Variants in CFAP92 observed in about 807,000 individuals in gnomAD.
CFAP92 encodes cilia and flagella associated protein 92 (putative).
In CFAP92, 86 loss-of-function variants were observed where a neutral mutation model predicts 106.3. The observed-to-expected ratio is 0.81, with a 90% CI of 0.68 to 0.97. The LOEUF (loss-of-function observed/expected upper bound fraction) is 0.97. Among genes scored for constraint, CFAP92 ranks in the 50% least tolerant of loss-of-function variants. The pLI, the probability that CFAP92 is intolerant of heterozygous loss-of-function variation, is 0.00. For missense variants in CFAP92, 1,204 were observed against 1,283.8 expected (o/e 0.94, Z 0.95); for synonymous variants, 477 against 506.4 (o/e 0.94, Z 0.78).
intron 9 of CFAP92, among the ~76,000 whole-genome samples, chr3:128,951,997 G>C (rs1940853441): frequency 6.6e-6 from 1 of 152,104 alleles, no homozygotes; most frequent in Non-Finnish European, 1.5e-5. Context: ...GGCCAAGTGG[G>C]GAACCTGGAG....
At chr3:128,958,893 CCT>C (rs199662453) in intron 9 of CFAP92, among the ~76,000 whole-genome samples, 6,074 of 151,016 alleles carry the variant, frequency 0.04, 299 homozygotes, top group African/African-American at 0.11. Flanking sequence ...GGAGTGAGAC[CCT>C]GTCTCAAAAA....
At chr3:129,024,909 C>T in the CFAP92 span, among the ~76,000 whole-genome samples, 3 of 152,156 alleles carry the variant, frequency 2.0e-5, no homozygotes, top group East Asian at 1.9e-4. Flanking sequence ...GGTGGGAGAA[C>T]GAAGAACCAG....
chr3:128,931,191 C>A (rs1938323109), intron 12 of CFAP92, among the ~76,000 whole-genome samples: 1 of 151,820 alleles, frequency 6.6e-6, no homozygotes, highest in East Asian at 1.9e-4. Context: ...AGGCATTAGG[C>A]ACTGTGCCGC....
chr3:128,940,401 T>G (rs7632015), intron 10 of CFAP92, among the ~76,000 whole-genome samples: 21,444 of 152,168 alleles, frequency 0.14, 2,394 homozygotes, highest in African/African-American at 0.31. Flanking sequence ...CTTGAGGAAC[T>G]GCCAGAATGT....
chr3:129,021,647 CTATT>C, the CFAP92 span, among the ~76,000 whole-genome samples: 1 of 152,202 alleles, frequency 6.6e-6, no homozygotes, highest in African/African-American at 2.4e-5. Flanking sequence ...GGGTATCTGT[CTATT>C]TATCAATCCA....
At chr3:128,961,894 C>T (rs891764086) in intron 9 of CFAP92, among the ~76,000 whole-genome samples, 2 of 152,182 alleles carry the variant, frequency 1.3e-5, no homozygotes, top group Non-Finnish European at 2.9e-5. Context: ...AAATCCCAGC[C>T]ACATCTCCAG....
chr3:128,947,740 G>A (rs535618455), intron 9 of CFAP92, among the ~76,000 whole-genome samples: 2 of 152,278 alleles, frequency 1.3e-5, no homozygotes, highest in Non-Finnish European at 2.9e-5. Context: ...GGAGGCTGAC[G>A]CAGGAGGACT....
intron 1 of CFAP92, among the ~76,000 whole-genome samples, chr3:128,999,208 A>G (rs1944592177): frequency 6.6e-6 from 1 of 152,196 alleles, no homozygotes; most frequent in African/African-American, 2.4e-5. Context: ...GAGACCTCTG[A>G]GTTTGCTCAC....
At chr3:128,994,197 C>T, upstream of CFAP92, 1 of 970,692 alleles carries the variant, frequency 1.0e-6, no homozygotes, top group South Asian at 4.8e-5. Flanking sequence ...GCGGGGCTTT[C>T]CCCCTCAGCC....
upstream of CFAP92, chr3:129,004,020 AGGTGCCCG>A: frequency 6.6e-7 from 1 of 1,508,598 alleles, no homozygotes; most frequent in Non-Finnish European, 8.8e-7. Flanking sequence ...CTGGCGCAAC[AGGTGCCCG>A]GCTTGCAGCG....
intron 1 of CFAP92, chr3:129,002,058 C>T: frequency 1.9e-6 from 3 of 1,539,866 alleles, no homozygotes; most frequent in Non-Finnish European, 2.6e-6. Flanking sequence ...CACCTTCCGC[C>T]AGTTCCACGC....
intron 2 of CFAP92, 102 bp downstream of exon 2, chr3:128,992,941 G>A (rs1944306361): frequency 4.3e-6 from 6 of 1,391,494 alleles, no homozygotes; most frequent in African/African-American, 1.4e-5. Flanking sequence ...TTGGGGTGGG[G>A]CAGGTGGAGA....
rs569364370 is a variant in CFAP92, at chr3:128,934,676, G to A, written c.2453+449C>T. On this transcript the variant is annotated intron_variant, in intron 11 of 15. Transcript: ENST00000645291. ...CTCCCAAGTAGATGGGATTACAGGC[G>A]TGCACCACTACACCTGGCTAATTTT... is the stretch of plus-strand genomic sequence containing the variant. Among the ~76,000 whole-genome samples, 21 of 152,020 alleles carry A rather than the reference G, an allele frequency of 1.4e-4. No homozygotes were observed. The South Asian group carries it at 2.9e-3, about 21-fold the overall frequency.
intron 1 of CFAP92, among the ~76,000 whole-genome samples, chr3:128,999,254 A>G (rs1944593978): frequency 6.6e-6 from 1 of 152,240 alleles, no homozygotes; most frequent in Non-Finnish European, 1.5e-5. Context: ...GGATGCAACC[A>G]GAATTATTTC....
At chr3:128,936,640 C>T (rs1342194621) in intron 10 of CFAP92, among the ~76,000 whole-genome samples, 1 of 152,152 alleles carries the variant, frequency 6.6e-6, no homozygotes, top group Non-Finnish European at 1.5e-5. Context: ...CCTGCTGCGA[C>T]TCCAAGACTA....
At chr3:128,990,347 A>T (rs1944136256) in intron 2 of CFAP92, among the ~76,000 whole-genome samples, 2 of 152,184 alleles carry the variant, frequency 1.3e-5, no homozygotes, top group African/African-American at 4.8e-5. Flanking sequence ...AAATACAAAA[A>T]TTAGCTGGGC....
chr3:129,001,728 C>T, intron 1 of CFAP92: 1 of 1,524,096 alleles, frequency 6.6e-7, no homozygotes, highest in South Asian at 1.2e-5. Flanking sequence ...GCTGAGCGCC[C>T]TGGCGCACCA....
chr3:128,999,528 G>GTTTT (rs1944612463), intron 1 of CFAP92, among the ~76,000 whole-genome samples: 5 of 138,682 alleles, frequency 3.6e-5, no homozygotes, highest in Non-Finnish European at 6.1e-5. Flanking sequence ...ATAAAATCAG[G>GTTTT]TTCTTTTTTT....
chr3:128,993,989 G>T lies in CFAP92; in HGVS notation c.-42C>A, dbSNP rs1273261058. The T allele has an allele frequency of 8.0e-5, 79 of 987,498 alleles. No homozygotes were observed. Among genetic ancestry groups the T allele is most frequent in the Non-Finnish European group, 8.8e-5 (73 of 831,172 alleles). The allele number at this position is 987,498 out of a possible 1,614,324, so 61.2% of individuals were successfully genotyped here. A position where few individuals can be genotyped will look rare whatever the true frequency, so the allele number is the denominator to read the frequency against. ...CAGGTGCTGGCGGTACCTGCGAGCG[G>T]ATGCGCTGGGCGGCAGCGGGGAGTT... On this transcript the variant is annotated 5_prime_UTR_variant, in exon 1 of 16. Coordinates refer to ENST00000645291, the MANE Select transcript of CFAP92 (RefSeq NM_001394090.1).
Sources: gnomAD v4.1 joint callset for allele counts (sites outside exome capture counted in the v4.1 genomes callset) on GRCh38, gnomAD v4.1.1 for gene constraint, MANE v1.5 for transcripts, NCBI Gene and HGNC (gene_info 2026-07-23, HGNC 2026-07-21) for gene names.